Variants in STAG2 observed in about 807,000 individuals in gnomAD.
STAG2 encodes the protein cohesin subunit SA-2.
A neutral mutation model predicts 108.1 loss-of-function variants in STAG2; 14 were observed. The ratio of observed to expected loss-of-function variants is 0.13; its 90% CI spans 0.09 to 0.20. The LOEUF (loss-of-function observed/expected upper bound fraction) is 0.20, where lower values mean the gene tolerates loss of function less well. Ranked by LOEUF, STAG2 falls within the 10% of genes least tolerant of loss-of-function variation. The pLI is 1.00. For synonymous variants in STAG2, 307 were observed against 302.7 expected, an observed-to-expected ratio of 1.01 and a Z score of -0.15; for missense variants, 440 against 940.9, an observed-to-expected ratio of 0.47 and a Z score of 6.96.
chrX:124,075,933 G>A (rs1022806823), intron 25 of STAG2, among the ~76,000 whole-genome samples: 1 of 111,446 alleles, frequency 9.0e-6, no homozygotes, highest in Non-Finnish European at 1.9e-5. Flanking sequence ...TGGGGTTTGA[G>A]GTAAGGTGGG....
intron 1 of STAG2, among the ~76,000 whole-genome samples, chrX:124,004,823 T>C (rs1380627012): frequency 9.0e-6 from 1 of 111,731 alleles, no homozygotes. Context: ...TGTTGCAGAA[T>C]TAGGAGCAAA....
rs774897862 is a variant in STAG2 at position 123,992,643 on chromosome X, A to G, written c.-162-28724A>G. Among the ~76,000 whole-genome samples, 3 of 110,191 alleles carry G rather than the reference A, an allele frequency of 2.7e-5. No individual in the cohort carries two copies. In the South Asian group the frequency reaches 1.2e-3, roughly 43 times the overall value. On this transcript the variant is annotated intron_variant, in intron 1 of 34. Transcript: ENST00000371145. ...AACGTCTACCTCCCAGACTTAAGCA[A>G]TTCTCCAACATCAACCTCCCAAGTA...
intron 3 of STAG2, among the ~76,000 whole-genome samples, chrX:124,025,066 C>G (rs937875887): frequency 1.1e-4 from 12 of 111,478 alleles, no homozygotes; most frequent in Non-Finnish European, 2.1e-4. Context: ...AGCCTTACCC[C>G]AACCCAGAAC....
chrX:124,031,547 GTTTGTTTTTTTTGTTTTTTTGTTTT>G (rs1366219945), intron 5 of STAG2, among the ~76,000 whole-genome samples: 1 of 83,347 alleles, frequency 1.2e-5, no homozygotes, highest in Non-Finnish European at 2.6e-5. Flanking sequence ...TTGTTTGTTT[GTTTGTTTTTTTTGTTTTTTTGTTTT>G]TTTGTTTTTT....
chrX:123,990,970 G>A (rs2055429843), intron 1 of STAG2, among the ~76,000 whole-genome samples: 1 of 111,851 alleles, frequency 8.9e-6, no homozygotes, highest in Non-Finnish European at 1.9e-5. Context: ...AACCATACCT[G>A]AGGTTTCCTT....
At chrX:124,073,213 A>G (rs1225949345) in intron 25 of STAG2, among the ~76,000 whole-genome samples, 1 of 111,771 alleles carries the variant, frequency 8.9e-6, no homozygotes, top group East Asian at 2.8e-4. Flanking sequence ...TAAAACTTCT[A>G]AAACGTCTAT....
intron 27 of STAG2, 33 bp downstream of exon 27, chrX:124,078,091 C>A (rs747841881): frequency 2.0e-6 from 2 of 997,616 alleles, no homozygotes; most frequent in Non-Finnish European, 1.4e-6. Context: ...TTAGCTAACA[C>A]AATTAACACC....
chrX:124,093,472 C>CTT (rs56165276), intron 32 of STAG2, among the ~76,000 whole-genome samples: 27 of 82,275 alleles, frequency 3.3e-4, no homozygotes, highest in African/African-American at 6.2e-4. Flanking sequence ...TCTTATTCAT[C>CTT]TTTTTTTTTT....
Position 124,066,168 on chromosome X carries a change from T to TTTTAAAG in STAG2, c.2097-5_2097-4insTAAAGTT. 9.6e-7 allele frequency: 1 copy of TTTTAAAG among 1,036,688 alleles called. No individual in the cohort carries two copies. Among genetic ancestry groups the TTTTAAAG allele is most frequent in the Non-Finnish European group, 1.3e-6 (1 of 786,802 alleles). The allele number at this position is 1,036,688 out of a possible 1,213,427, so 85.4% of individuals were successfully genotyped here. A position where few individuals can be genotyped will look rare whatever the true frequency, so the allele number is the denominator to read the frequency against. ...ATTTTTTTTTTTTTTTTTTTTTTTTTTTACAGTGCCCATGACCTTTCAAAG... is the reference window on the plus strand; with the variant it reads ...ATTTTTTTTTTTTTTTTTTTTTTTTTTTTAAAGTTACAGTGCCCATGACCTTTCAAAG... On this transcript the variant is annotated splice_polypyrimidine_tract_variant and splice_region_variant and intron_variant, in intron 21 of 34. Transcript: ENST00000371145.
chrX:124,037,260 G>A (rs925600800), intron 5 of STAG2, among the ~76,000 whole-genome samples: 1 of 111,514 alleles, frequency 9.0e-6, no homozygotes, highest in Non-Finnish European at 1.9e-5. Context: ...TATACTTGAT[G>A]GAATTGACTT....
At chrX:124,037,877 T>C (rs968726680) in intron 6 of STAG2, among the ~76,000 whole-genome samples, 5 of 112,354 alleles carry the variant, frequency 4.5e-5, no homozygotes, top group African/African-American at 1.6e-4. Context: ...TTATTAGATA[T>C]ATTTCCCACT....
chrX:124,010,309 G>T (rs1012721686), intron 1 of STAG2, among the ~76,000 whole-genome samples: 4 of 111,021 alleles, frequency 3.6e-5, no homozygotes, highest in African/African-American at 1.3e-4. Flanking sequence ...CTAGTCCCTG[G>T]TAACCATTCT....
Position 124,017,712 on chromosome X carries a change from A to G in STAG2, c.-162-3655A>G, listed in dbSNP as rs933231796. Among the ~76,000 whole-genome samples, 12 of 111,484 alleles carry G rather than the reference A, an allele frequency of 1.1e-4. No homozygotes were observed. The East Asian group carries it at 3.3e-3, about 31-fold the overall frequency. ...TTACTTGCTTGTATTAATGTGCTATAGTAATAGGTATCTGACAGGTGTTTC... is the reference window on the plus strand; with the variant it reads ...TTACTTGCTTGTATTAATGTGCTATGGTAATAGGTATCTGACAGGTGTTTC... On this transcript the variant is annotated intron_variant, in intron 1 of 34. Transcript: ENST00000371145.
intron 1 of STAG2, among the ~76,000 whole-genome samples, chrX:123,972,148 A>G (rs1355582480): frequency 1.8e-5 from 2 of 109,768 alleles, no homozygotes; most frequent in Admixed American, 1.9e-4. Context: ...GAATGGTAGT[A>G]TCTGATCTTA....
intron 34 of STAG2, among the ~76,000 whole-genome samples, chrX:124,097,179 CAAAAAAA>C (rs56942682): frequency 5.2e-5 from 2 of 38,206 alleles, no homozygotes; most frequent in African/African-American, 1.2e-4. Flanking sequence ...GACCCTGTCT[CAAAAAAA>C]AAAAAAAAAA....
chrX:124,064,089 A>T (rs1481474917), intron 20 of STAG2, 38 bp downstream of exon 20: 4 of 1,049,007 alleles, frequency 3.8e-6, no homozygotes, highest in Non-Finnish European at 5.2e-6. Context: ...TTGTCAGTTG[A>T]GCCCCTCTAC....
At chrX:123,987,575 T>G (rs2055258293) in intron 1 of STAG2, among the ~76,000 whole-genome samples, 2 of 112,109 alleles carry the variant, frequency 1.8e-5, no homozygotes, top group Admixed American at 1.9e-4. Context: ...CGACGATATC[T>G]CCCTGTGTTT....
chrX:124,060,979 A>G, intron 15 of STAG2, among the ~76,000 whole-genome samples: 1 of 108,330 alleles, frequency 9.2e-6, no homozygotes, highest in Non-Finnish European at 1.9e-5. Flanking sequence ...ATATAAAAAT[A>G]ATAAAAAATT....
In STAG2 at chrX:124,051,101, T is replaced by TC. The variant is rs1302224716; in HGVS notation, c.1018-20_1018-19insC. The TC allele has an allele frequency of 1.3e-5, 4 of 303,710 alleles. No individual in the cohort carries two copies. The highest frequency in any genetic ancestry group is 1.4e-5 in the Non-Finnish European group (3 of 216,883). 25.0% of individuals were successfully genotyped at this position (303,710 alleles called of 1,213,427 possible). Reference sequence around the variant, plus strand: ...AGAGTTTTAATGCATTGTCTCATCTTTTTTTTTTTTTTTTTTTAGCAAGGT... The same window carrying TC: ...AGAGTTTTAATGCATTGTCTCATCTTCTTTTTTTTTTTTTTTTTAGCAAGGT... On this transcript the variant is annotated intron_variant, in intron 11 of 34. Coordinates refer to ENST00000371145, the MANE Select transcript of STAG2 (RefSeq NM_001042750.2).
Sources: gnomAD v4.1 joint callset for allele counts (sites outside exome capture counted in the v4.1 genomes callset) on GRCh38, gnomAD v4.1.1 for gene constraint, MANE v1.5 for transcripts, NCBI Gene and HGNC (gene_info 2026-07-23, HGNC 2026-07-21) for gene names.